Variants in PCDH15 observed in about 807,000 individuals in gnomAD.
The protein encoded by PCDH15 is protocadherin-15.
PCDH15 carries 129 observed loss-of-function variants against 178.5 expected under a neutral mutation model. That is an observed-to-expected ratio of 0.72 (90% CI 0.63 to 0.84). The LOEUF is 0.84. Ranked by LOEUF, PCDH15 falls within the 40% of genes least tolerant of loss-of-function variation. PCDH15 has a pLI of 0.00. For missense variants in PCDH15, 2,230 were observed against 2,099.9 expected (o/e 1.06, Z -1.21); for synonymous variants, 800 against 732.0 (o/e 1.09, Z -1.50).
At chr10:54,219,139 G>T (rs1441451200) in intron 9 of PCDH15, among the ~76,000 whole-genome samples, 2 of 150,598 alleles carry the variant, frequency 1.3e-5, no homozygotes, top group Non-Finnish European at 3.0e-5. Flanking sequence ...GCCGGGCGTG[G>T]TGGTGGGCAC....
At chr10:54,172,729 G>T (rs185137619) in intron 13 of PCDH15, among the ~76,000 whole-genome samples, 3 of 151,914 alleles carry the variant, frequency 2.0e-5, no homozygotes, top group African/African-American at 7.3e-5. Context: ...AAGTATGAGC[G>T]TGAATATAGT....
At chr10:54,297,177 CAAACA>C (rs2059852408) in intron 8 of PCDH15, among the ~76,000 whole-genome samples, 1 of 151,940 alleles carries the variant, frequency 6.6e-6, no homozygotes, top group South Asian at 2.1e-4. Context: ...GGGGGAGAAA[CAAACA>C]AAACAAAACC....
At chr10:53,831,237 C>T in intron 30 of PCDH15, 78 bp downstream of exon 30, 1 of 1,328,976 alleles carries the variant, frequency 7.5e-7, no homozygotes. Context: ...TTTTACAACG[C>T]AAAGCCATGT....
intron 14 of PCDH15, among the ~76,000 whole-genome samples, chr10:54,148,581 T>C (rs1410478857): frequency 6.6e-6 from 1 of 152,032 alleles, no homozygotes; most frequent in Non-Finnish European, 1.5e-5. Flanking sequence ...AAGCCGTGGA[T>C]ATGGAGGGCC....
In PCDH15 at chr10:54,448,621, A is replaced by T. The variant is rs1317085753; in HGVS notation, c.158-69679T>A. 3.3e-5 allele frequency among the ~76,000 whole-genome samples: 5 copies of T among 151,642 alleles called. No homozygotes were observed. The Admixed American group carries it at 3.3e-4, about 10-fold the overall frequency. ...GAGGAATTCTCTTATGGAAAACATTAAAAAAAGGAAATTCTAGCAATAGAA... is the reference window on the plus strand; with the variant it reads ...GAGGAATTCTCTTATGGAAAACATTTAAAAAAGGAAATTCTAGCAATAGAA... On this transcript the variant is annotated intron_variant, in intron 3 of 37. Coordinates refer to ENST00000644397, the MANE Select transcript of PCDH15 (RefSeq NM_001384140.1).
In PCDH15 at chr10:54,371,593, A is replaced by G. The variant is rs1006473870; in HGVS notation, c.319-2318T>C. ...GAAAAATATTTCAAAGCATGTTTTCACCATAAGTAGAGGGCTTCTCTTAAT... is the reference window on the plus strand; with the variant it reads ...GAAAAATATTTCAAAGCATGTTTTCGCCATAAGTAGAGGGCTTCTCTTAAT... On this transcript the variant is annotated intron_variant, in intron 4 of 37. Coordinates refer to ENST00000644397, the MANE Select transcript of PCDH15 (RefSeq NM_001384140.1). Among the ~76,000 whole-genome samples, 24 of 151,866 alleles carry G rather than the reference A, an allele frequency of 1.6e-4. No homozygotes were observed. In the Admixed American group the frequency reaches 1.6e-3, roughly 10 times the overall value.
At position 54,048,881 on chromosome 10, in the gene PCDH15, G is replaced by GT. The variant is rs879717157; in HGVS notation, c.2220+17875dup. On this transcript the variant is annotated intron_variant, in intron 18 of 37. Coordinates refer to ENST00000644397, the MANE Select transcript of PCDH15 (RefSeq NM_001384140.1). Reference sequence around the variant, plus strand: ...TTGTTTCCATGTAAGTTTCAGAACAGTTTTTTTTTTTTCTAATTCAGTTAA... The same window carrying GT: ...TTGTTTCCATGTAAGTTTCAGAACAGTTTTTTTTTTTTTCTAATTCAGTTAA... Among the ~76,000 whole-genome samples the GT allele has an allele frequency of 5.8e-3, 843 of 145,926 alleles. 6 individuals carry two copies. The highest frequency in any genetic ancestry group is 0.014 in the African/African-American group (580 of 40,170).
rs1419591054 is a variant in PCDH15, at chr10:53,892,516, C to A, written c.3501+10727G>T. On this transcript the variant is annotated intron_variant, in intron 26 of 37. Coordinates refer to ENST00000644397, the MANE Select transcript of PCDH15 (RefSeq NM_001384140.1). ...TGTCCCTTCTACAATAACAAACAAACTGATTTGTGTGGAGAGGGGGAAGAA... is the reference window on the plus strand; with the variant it reads ...TGTCCCTTCTACAATAACAAACAAAATGATTTGTGTGGAGAGGGGGAAGAA... Among the ~76,000 whole-genome samples, 6 of 151,786 alleles carry A rather than the reference C, an allele frequency of 4.0e-5. No homozygotes were observed. The East Asian group carries it at 5.8e-4, about 15-fold the overall frequency.
rs756158522 is a variant in PCDH15 at position 54,121,996 on chromosome 10, G to GACACAGACAC, written c.1917+10878_1917+10879insGTGTCTGTGT. Among the ~76,000 whole-genome samples the GACACAGACAC allele has an allele frequency of 5.6e-3, 535 of 95,920 alleles. 3 individuals carry two copies. Among genetic ancestry groups the GACACAGACAC allele is most frequent in the African/African-American group, 0.017 (475 of 27,806 alleles). 62.9% of individuals were successfully genotyped at this position (95,920 alleles called of 152,430 possible). On this transcript the variant is annotated intron_variant, in intron 15 of 37. Transcript: ENST00000644397. ...TCACCTAATATCTAAACCGGGCAAAGACACATACACACACACACACACACA... is the reference window on the plus strand; with the variant it reads ...TCACCTAATATCTAAACCGGGCAAAGACACAGACACACACATACACACACACACACACACA...
chr10:55,068,787 G>A (rs745579974), intron 2 of PCDH15, among the ~76,000 whole-genome samples: 17 of 151,884 alleles, frequency 1.1e-4, no homozygotes, highest in East Asian at 7.7e-4. Context: ...GTGTGTGTGC[G>A]TGCACGTGTG....
intron 2 of PCDH15, among the ~76,000 whole-genome samples, chr10:55,049,191 T>C (rs979329306): frequency 2.6e-5 from 4 of 152,014 alleles, no homozygotes; most frequent in African/African-American, 9.7e-5. Flanking sequence ...CCCAAGCTGT[T>C]GTTCAGCTTG....
intron 8 of PCDH15, among the ~76,000 whole-genome samples, chr10:54,255,450 G>A (rs2056824937): frequency 6.6e-6 from 1 of 152,102 alleles, no homozygotes; most frequent in African/African-American, 2.4e-5. Flanking sequence ...CTCTTGTGAT[G>A]AAGTGTTTTC....
chr10:55,102,768 C>T (rs925289294), intron 2 of PCDH15, among the ~76,000 whole-genome samples: 17 of 151,896 alleles, frequency 1.1e-4, no homozygotes, highest in Non-Finnish European at 1.5e-4. Context: ...TATTACTGAC[C>T]AGAGGCCTTA....
At chr10:54,288,398 T>C (rs1211087025) in intron 8 of PCDH15, among the ~76,000 whole-genome samples, 1 of 152,118 alleles carries the variant, frequency 6.6e-6, no homozygotes, top group African/African-American at 2.4e-5. Context: ...GACTAGATTG[T>C]CCAATGAAGA....
intron 2 of PCDH15, among the ~76,000 whole-genome samples, chr10:55,570,969 C>T (rs374602411): frequency 3.3e-5 from 5 of 151,994 alleles, no homozygotes; most frequent in Admixed American, 2.0e-4. Flanking sequence ...ATATCAAAAG[C>T]AAAATTCCCT....
intron 2 of PCDH15, among the ~76,000 whole-genome samples, chr10:55,447,126 A>G (rs116868074): frequency 0.03 from 4,498 of 152,238 alleles, 96 homozygotes; most frequent in Middle Eastern, 0.071. Context: ...ATACAAATCA[A>G]GTAACAATTA....
Position 54,147,116 on chromosome 10 carries a change from A to G in PCDH15, c.1784+5984T>C, listed in dbSNP as rs186793357. 1.7e-3 allele frequency among the ~76,000 whole-genome samples: 257 copies of G among 150,928 alleles called. 2 individuals are homozygous for G. The highest frequency in any genetic ancestry group is 6.0e-3 in the African/African-American group (247 of 41,284). On this transcript the variant is annotated intron_variant, in intron 14 of 37. Coordinates refer to ENST00000644397, the MANE Select transcript of PCDH15 (RefSeq NM_001384140.1). ...TGAAAGCAAAGCCTCATAACTTTTCAGTTCATTCATCAATTCAATTTGAAG... is the reference window on the plus strand; with the variant it reads ...TGAAAGCAAAGCCTCATAACTTTTCGGTTCATTCATCAATTCAATTTGAAG...
At chr10:54,063,234 TATAGA>T (rs1195589061) in intron 18 of PCDH15, among the ~76,000 whole-genome samples, 2 of 152,208 alleles carry the variant, frequency 1.3e-5, no homozygotes, top group African/African-American at 4.8e-5. Flanking sequence ...TACAACATGG[TATAGA>T]AAAGTGTTTA....
intron 1 of PCDH15, among the ~76,000 whole-genome samples, chr10:54,670,470 G>A (rs1288272337): frequency 6.6e-6 from 1 of 151,978 alleles, no homozygotes; most frequent in Non-Finnish European, 1.5e-5. Flanking sequence ...ATAAAAGAGG[G>A]AAGAACACTG....
Sources: allele counts gnomAD v4.1 joint callset (sites outside exome capture counted in the v4.1 genomes callset), GRCh38; gene constraint gnomAD v4.1.1; transcripts MANE v1.5; gene names NCBI Gene and HGNC (gene_info 2026-07-23, HGNC 2026-07-21).